Variants in STPG2 observed in about 807,000 individuals in gnomAD.
The protein encoded by STPG2 is sperm-tail PG-rich repeat-containing protein 2.
A neutral mutation model predicts 54.2 loss-of-function variants in STPG2; 56 were observed. The ratio of observed to expected loss-of-function variants is 1.03; its 90% confidence interval spans 0.83 to 1.29. The LOEUF (loss-of-function observed/expected upper bound fraction) is 1.29, where lower values mean the gene tolerates loss of function less well. Ranked by LOEUF, STPG2 falls within the 50% of genes most tolerant of loss-of-function variation. The pLI is 0.00. For synonymous variants in STPG2, 200 were observed against 181.8 expected (o/e 1.10, Z -0.81); for missense variants, 596 against 544.9 (o/e 1.09, Z -0.93).
intron 10 of STPG2, among the ~76,000 whole-genome samples, chr4:97,597,424 C>G (rs1733327787): frequency 6.6e-6 from 1 of 152,034 alleles, no homozygotes; most frequent in South Asian, 2.1e-4. Context: ...CAGCATCATC[C>G]TGATACCAAA....
chr4:97,892,811 A>G (rs1480639807), intron 8 of STPG2, among the ~76,000 whole-genome samples: 1 of 152,140 alleles, frequency 6.6e-6, no homozygotes, highest in Non-Finnish European at 1.5e-5. Context: ...CTAAGGCACT[A>G]GCAGCTGTCA....
chr4:97,888,035 G>T (rs549470842), intron 8 of STPG2, among the ~76,000 whole-genome samples: 10 of 152,346 alleles, frequency 6.6e-5, no homozygotes, highest in African/African-American at 1.7e-4. Flanking sequence ...TGCACAGAGT[G>T]CAAGAGTTGA....
intron 4 of STPG2, among the ~76,000 whole-genome samples, chr4:97,511,054 A>G (rs1730961340): frequency 6.6e-6 from 1 of 152,148 alleles, no homozygotes; most frequent in Admixed American, 6.5e-5. Context: ...AGGAGTGAAA[A>G]TGCCAAAGTA....
At chr4:97,960,456 A>C (rs578001889) in intron 7 of STPG2, among the ~76,000 whole-genome samples, 14 of 152,056 alleles carry the variant, frequency 9.2e-5, no homozygotes, top group Admixed American at 3.3e-4. Context: ...AACCCTAAAG[A>C]CTCCTCCAAA....
chr4:97,460,299 T>C lies in STPG2; in HGVS notation c.462+252400A>G, dbSNP rs933043344. Among the ~76,000 whole-genome samples the C allele has an allele frequency of 3.3e-5, 5 of 152,306 alleles. No individual in the cohort carries two copies. The East Asian group carries it at 9.6e-4, about 29-fold the overall frequency. ...CTTTATTTTTTTCTATTTATTACAA[T>C]AGGCATGTTATATATTTTATTTTGT... is the stretch of plus-strand genomic sequence containing the variant. On this transcript the variant is annotated intron_variant, in intron 4 of 4. Coordinates refer to the STPG2 transcript ENST00000522676.
In STPG2 at chr4:97,982,933, C is replaced by A. The variant is rs530826427; in HGVS notation, c.613-1615G>T. Among the ~76,000 whole-genome samples the A allele has an allele frequency of 2.9e-3, 438 of 152,270 alleles. 3 individuals are homozygous for A. Among genetic ancestry groups the A allele is most frequent in the African/African-American group, 9.9e-3 (413 of 41,562 alleles). ...TAATTTTAATTTTGATCAAATTCAA[C>A]ACTGCCTCTATATTTATAATAAGTA... On this transcript the variant is annotated intron_variant, in intron 5 of 10. Transcript: ENST00000295268.
At chr4:97,677,971 A>G (rs1365517530) in intron 10 of STPG2, among the ~76,000 whole-genome samples, 1 of 152,188 alleles carries the variant, frequency 6.6e-6, no homozygotes, top group Non-Finnish European at 1.5e-5. Flanking sequence ...ATTGTTTTAA[A>G]AAATTATGAA....
intron 10 of STPG2, among the ~76,000 whole-genome samples, chr4:97,690,800 G>A (rs951038698): frequency 6.6e-6 from 1 of 151,968 alleles, no homozygotes; most frequent in Non-Finnish European, 1.5e-5. Flanking sequence ...AAACAGAAAG[G>A]CAAATAGCAA....
At chr4:97,666,301 G>C (rs537767734) in intron 10 of STPG2, among the ~76,000 whole-genome samples, 3 of 152,172 alleles carry the variant, frequency 2.0e-5, no homozygotes, top group Non-Finnish European at 4.4e-5. Flanking sequence ...GGCCTCTCTA[G>C]ATGGGATGCC....
At chr4:97,704,889 T>G (rs1012175644) in intron 10 of STPG2, among the ~76,000 whole-genome samples, 4 of 152,154 alleles carry the variant, frequency 2.6e-5, no homozygotes, top group African/African-American at 9.6e-5. Context: ...TTAAAAAGCA[T>G]ATATAATTTA....
intron 4 of STPG2, among the ~76,000 whole-genome samples, chr4:98,107,778 T>TGA (rs34354551): frequency 2.0e-5 from 3 of 150,934 alleles, no homozygotes; most frequent in African/African-American, 4.9e-5. Context: ...AGAGAGACGG[T>TGA]GAGAGAGAGA....
chr4:98,109,453 T>C, intron 3 of STPG2, 148 bp from the exon 4 acceptor site: 1 of 581,180 alleles, frequency 1.7e-6, no homozygotes, highest in Non-Finnish European at 3.1e-6. Flanking sequence ...TGCTCTTGGA[T>C]AGATCCCAGG....
At chr4:97,903,268 G>C (rs1037198715) in intron 8 of STPG2, among the ~76,000 whole-genome samples, 1 of 152,062 alleles carries the variant, frequency 6.6e-6, no homozygotes, top group African/African-American at 2.4e-5. Flanking sequence ...ATGATAATAT[G>C]ATTAGTTGTG....
intron 8 of STPG2, among the ~76,000 whole-genome samples, chr4:97,861,323 A>G (rs1057261239): frequency 2.0e-5 from 3 of 152,338 alleles, no homozygotes; most frequent in African/African-American, 7.2e-5. Context: ...AATGGCTTTT[A>G]TCCTAAAGAT....
At chr4:97,990,750 A>C (rs1734976560) in intron 5 of STPG2, among the ~76,000 whole-genome samples, 1 of 152,174 alleles carries the variant, frequency 6.6e-6, no homozygotes, top group African/African-American at 2.4e-5. Flanking sequence ...CAGGTTATTT[A>C]TGGCATCTTT....
At chr4:97,522,858 T>C (rs1731210102) in intron 4 of STPG2, among the ~76,000 whole-genome samples, 1 of 152,028 alleles carries the variant, frequency 6.6e-6, no homozygotes, top group South Asian at 2.1e-4. Flanking sequence ...TTGAATAACT[T>C]AAACAAATTC....
At chr4:97,582,187 G>A (rs1194722502) in intron 10 of STPG2, among the ~76,000 whole-genome samples, 2 of 151,996 alleles carry the variant, frequency 1.3e-5, no homozygotes, top group Non-Finnish European at 2.9e-5. Flanking sequence ...ATTGACTTTA[G>A]AACCAATACT....
At chr4:97,961,451 T>G (rs904377904) in intron 7 of STPG2, among the ~76,000 whole-genome samples, 2 of 152,144 alleles carry the variant, frequency 1.3e-5, no homozygotes, top group Non-Finnish European at 2.9e-5. Context: ...ATCATCATAA[T>G]CTATACATCT....
intron 8 of STPG2, among the ~76,000 whole-genome samples, chr4:97,935,227 C>T (rs763339896): frequency 3.3e-4 from 50 of 151,660 alleles, no homozygotes; most frequent in Non-Finnish European, 6.2e-4. Flanking sequence ...TTATTGTGTC[C>T]ACTTGATTCT....
Sources: allele counts gnomAD v4.1 joint callset (sites outside exome capture counted in the v4.1 genomes callset), GRCh38; gene constraint gnomAD v4.1.1; transcripts MANE v1.5; gene names NCBI Gene and HGNC (gene_info 2026-07-23, HGNC 2026-07-21).